COG5: variants seen among roughly 807,000 people sequenced by gnomAD.
COG5 encodes the protein conserved oligomeric Golgi complex subunit 5.
In COG5, 86 loss-of-function variants were observed where a neutral mutation model predicts 110.4. The ratio of observed to expected loss-of-function variants is 0.78; its 90% CI spans 0.65 to 0.93. The LOEUF is 0.93. Ranked by LOEUF, COG5 falls within the 40% of genes least tolerant of loss-of-function variation. COG5 has a pLI of 0.00. For synonymous variants in COG5, 360 were observed against 334.6 expected (o/e 1.08, Z -0.83); for missense variants, 1,077 against 987.0 (o/e 1.09, Z -1.22).
At chr7:107,388,224 C>G (rs1364992393) in intron 7 of COG5, among the ~76,000 whole-genome samples, 1 of 152,228 alleles carries the variant, frequency 6.6e-6, no homozygotes, top group Non-Finnish European at 1.5e-5. Context: ...TTATGGCAAA[C>G]AGACGTTCCA....
intron 6 of COG5, among the ~76,000 whole-genome samples, chr7:107,413,685 T>C (rs990176480): frequency 5.3e-5 from 8 of 152,210 alleles, no homozygotes; most frequent in Non-Finnish European, 7.3e-5. Context: ...AGTCTTTATA[T>C]ATCTGCTCTT....
At chr7:107,245,675 C>T (rs1333277340) in intron 17 of COG5, among the ~76,000 whole-genome samples, 2 of 152,146 alleles carry the variant, frequency 1.3e-5, no homozygotes, top group Admixed American at 6.5e-5. Context: ...AAGATCTCTA[C>T]AATGAGAACT....
chr7:107,331,386 T>G (rs368855725), intron 10 of COG5, among the ~76,000 whole-genome samples: 1 of 151,812 alleles, frequency 6.6e-6, no homozygotes, highest in Admixed American at 6.6e-5. Context: ...GAGAATGGCG[T>G]GAACCCGGGA....
chr7:107,349,148 C>T (rs778492388), intron 10 of COG5, among the ~76,000 whole-genome samples: 2 of 152,208 alleles, frequency 1.3e-5, no homozygotes, highest in Non-Finnish European at 2.9e-5. Flanking sequence ...CTTAACTGTA[C>T]ATTACCAATT....
chr7:107,432,941 C>G (rs1225680627), intron 6 of COG5, among the ~76,000 whole-genome samples: 13 of 151,886 alleles, frequency 8.6e-5, no homozygotes, highest in African/African-American at 2.9e-4. Flanking sequence ...CTTATAGATT[C>G]CACACCAAAA....
intron 11 of COG5, among the ~76,000 whole-genome samples, chr7:107,322,495 A>T (rs1454443495): frequency 6.6e-6 from 1 of 152,204 alleles, no homozygotes; most frequent in Non-Finnish European, 1.5e-5. Context: ...AAGCATCATT[A>T]GTCTAGTGGA....
chr7:107,483,822 T>A (rs1042774660), intron 6 of COG5, among the ~76,000 whole-genome samples: 6 of 151,850 alleles, frequency 4.0e-5, no homozygotes, highest in Non-Finnish European at 7.4e-5. Flanking sequence ...GTGGCTTTAG[T>A]ATAGGGTTTC....
At chr7:107,207,496 G>C (rs567499344) in intron 21 of COG5, among the ~76,000 whole-genome samples, 148 of 152,314 alleles carry the variant, frequency 9.7e-4, no homozygotes, top group African/African-American at 3.5e-3. Flanking sequence ...TACTCAAAGA[G>C]GGCCATAAGA....
chr7:107,539,745 A>G (rs986093355), intron 5 of COG5, among the ~76,000 whole-genome samples: 14 of 152,194 alleles, frequency 9.2e-5, no homozygotes, highest in Non-Finnish European at 2.1e-4. Context: ...AATTTTTAAT[A>G]ATGAGTGTGA....
intron 10 of COG5, among the ~76,000 whole-genome samples, chr7:107,333,008 T>C (rs1012750499): frequency 6.6e-6 from 1 of 152,046 alleles, no homozygotes; most frequent in Non-Finnish European, 1.5e-5. Flanking sequence ...CTTGATAAAT[T>C]GTTTCTAAGT....
At chr7:107,460,534 A>G (rs964315372) in intron 6 of COG5, among the ~76,000 whole-genome samples, 2 of 152,198 alleles carry the variant, frequency 1.3e-5, no homozygotes, top group African/African-American at 2.4e-5. Flanking sequence ...ACAATACTGA[A>G]CCACGTATAA....
chr7:107,536,376 G>A (rs916238877), intron 5 of COG5, among the ~76,000 whole-genome samples: 7 of 152,114 alleles, frequency 4.6e-5, no homozygotes, highest in Non-Finnish European at 7.4e-5. Context: ...AAACTCCATC[G>A]TCTCAGCCCA....
At chr7:107,294,901 G>A (rs1806494788) in intron 12 of COG5, among the ~76,000 whole-genome samples, 1 of 104,238 alleles carries the variant, frequency 9.6e-6, no homozygotes, top group African/African-American at 3.4e-5. Flanking sequence ...GTGTGTGTGT[G>A]TGTGTGTGTG....
chr7:107,430,218 T>C, intron 6 of COG5, among the ~76,000 whole-genome samples: 1 of 152,192 alleles, frequency 6.6e-6, no homozygotes, highest in East Asian at 1.9e-4. Context: ...ACAGATTGTA[T>C]GGTTTTAGAT....
chr7:107,334,823 G>T (rs570485341), intron 10 of COG5, among the ~76,000 whole-genome samples: 15 of 151,500 alleles, frequency 9.9e-5, no homozygotes, highest in Admixed American at 2.6e-4. Context: ...AAAAACATCT[G>T]AAGGTATAAA....
chr7:107,295,090 TATATATA>T (rs1806612345), intron 12 of COG5, among the ~76,000 whole-genome samples: 2 of 75,682 alleles, frequency 2.6e-5, no homozygotes, highest in African/African-American at 1.0e-4. Flanking sequence ...TATATATATA[TATATATA>T]TATATTTTTT....
Position 107,258,352 on chromosome 7 carries a change from A to T in COG5, c.1607T>A (p.Ile536Asn). Residue 536 changes from isoleucine (I) to asparagine (N), a missense_variant, in exon 15 of 22, where the codon ATT becomes AAT. Ile to Asn is a moderately radical substitution (Grantham distance 149). Coordinates refer to ENST00000297135, the MANE Select transcript of COG5 (RefSeq NM_006348.5). Reference protein sequence around the residue: ...LSTQGDASQVIGPLTEGQRRN... With the variant: ...LSTQGDASQVNGPLTEGQRRN... ...TCTCTGTCCTTCAGTAAGAGGCCCA[A>T]TCACCTGACTTGCATCTCCTTGTGT... The T allele has an allele frequency of 1.9e-6, 3 of 1,612,484 alleles. No homozygotes were observed. Among genetic ancestry groups the T allele is most frequent in the Non-Finnish European group, 2.5e-6 (3 of 1,178,672 alleles).
intron 6 of COG5, among the ~76,000 whole-genome samples, chr7:107,429,766 A>C (rs1420070097): frequency 6.6e-6 from 1 of 152,128 alleles, no homozygotes; most frequent in East Asian, 1.9e-4. Context: ...GGTTTTATGA[A>C]GGAGAGTTTC....
chr7:107,554,085 A>C (rs1269622943), intron 3 of COG5, among the ~76,000 whole-genome samples, 200 bp downstream of exon 3: 1 of 152,248 alleles, frequency 6.6e-6, no homozygotes, highest in Non-Finnish European at 1.5e-5. Context: ...GTTTCACTAA[A>C]GTCTTACTGA....
Sources: gnomAD v4.1 joint callset for allele counts (sites outside exome capture counted in the v4.1 genomes callset) on GRCh38, gnomAD v4.1.1 for gene constraint, MANE v1.5 for transcripts, NCBI Gene and HGNC (gene_info 2026-07-23, HGNC 2026-07-21) for gene names.